Variants in PRR12 observed in about 807,000 individuals in gnomAD.
PRR12 encodes proline rich 12, also known as proline-rich protein 12.
A neutral mutation model predicts 138.0 loss-of-function variants in PRR12; 12 were observed. The ratio of observed to expected loss-of-function variants is 0.09; its 90% CI spans 0.06 to 0.14. PRR12 has a LOEUF of 0.14. Ranked by LOEUF, PRR12 falls within the 10% of genes least tolerant of loss-of-function variation. The pLI, the probability that PRR12 is intolerant of heterozygous loss-of-function variation, is 1.00. For synonymous variants in PRR12, 1,567 were observed against 1,291.7 expected, an observed-to-expected ratio of 1.21 and a Z score of -4.57; for missense variants, 2,692 against 2,861.3, an observed-to-expected ratio of 0.94 and a Z score of 1.35.
At position 49,601,832 on chromosome 19, in the gene PRR12, G is replaced by A. The variant is rs1443115046; in HGVS notation, c.4687G>A (p.Glu1563Lys). 6.2e-7 allele frequency: 1 copy of A among 1,612,872 alleles called. No homozygotes were observed. The highest frequency in any genetic ancestry group is 1.7e-5 in the Admixed American group (1 of 60,026). Reference sequence around the variant, plus strand: ...GGCGGCAGTGTGTGGGGAGACGGACGAGGAGGCCGGCGAGAGTGGCGGAGA... The same window carrying A: ...GGCGGCAGTGTGTGGGGAGACGGACAAGGAGGCCGGCGAGAGTGGCGGAGA... The part of the protein sequence containing the change: ...ETAAVCGETD[E>K]EAGESGGEGI... Residue 1563 changes from glutamate (E) to lysine (K), a missense_variant, in exon 6 of 14, where the codon GAG (glutamate) becomes AAG (lysine). By Grantham distance (56) the Glu-to-Lys change is moderately conservative. Transcript: ENST00000418929.
At chr19:49,623,924 G>C in intron 11 of PRR12, among the ~76,000 whole-genome samples, 1 of 151,378 alleles carries the variant, frequency 6.6e-6, no homozygotes, top group Non-Finnish European at 1.5e-5. Flanking sequence ...TGGGAATTCT[G>C]GGGTAGGTGG....
At position 49,595,175 on chromosome 19, in the gene PRR12, G is replaced by A. The variant is rs778633935; in HGVS notation, c.840G>A (p.Arg280=). 1.2e-5 allele frequency: 20 copies of A among 1,609,204 alleles called. No individual in the cohort carries two copies. Among genetic ancestry groups the A allele is most frequent in the Admixed American group, 8.4e-5 (5 of 59,754 alleles). ...GAAPGPPPPE[R]ALPRQDTVIK... The stretch of plus-strand genomic sequence containing the variant: ...CCCCGGGCCCACCGCCGCCTGAGCG[G>A]GCCCTGCCACGCCAGGACACGGTCA... The change falls in exon 4 of 14, where the codon CGG becomes CGA. Residue 280 remains arginine, a synonymous_variant. Transcript: ENST00000418929.
At position 49,615,973 on chromosome 19, in the gene PRR12, G is replaced by A; in HGVS notation, c.5251G>A (p.Glu1751Lys). Residue 1751 changes from glutamate to lysine, a missense_variant, in exon 9 of 14, where the codon GAG becomes AAG. Around this residue, in one of 11 missense-constraint regions of PRR12, gnomAD observed 259 missense variants for 265.1 expected, o/e 0.98. Coordinates refer to ENST00000418929, the MANE Select transcript of PRR12 (RefSeq NM_020719.3). ...GGAGAAGGAGAAGGTGACACGTGGA[G>A]AGCGGCCATTGCGGGGTGAGCGGGC... ...EKEKEKVTRG[E>K]RPLRGERATS... 6.4e-7 allele frequency: 1 copy of A among 1,552,936 alleles called. No individual in the cohort carries two copies. The highest frequency in any genetic ancestry group is 8.7e-7 in the Non-Finnish European group (1 of 1,147,696).
chr19:49,613,546 G>C (rs1044327703), intron 6 of PRR12, among the ~76,000 whole-genome samples: 11 of 152,314 alleles, frequency 7.2e-5, no homozygotes, highest in Middle Eastern at 6.8e-3. Flanking sequence ...CTGCAGGGTG[G>C]TGGTGGTTGG....
In PRR12 at chr19:49,595,769, C is replaced by A; in HGVS notation, c.1434C>A (p.Gly478=). 7 of 1,596,284 alleles carry A rather than the reference C, an allele frequency of 4.4e-6. No individual in the cohort carries two copies. The highest frequency in any genetic ancestry group is 6.0e-6 in the Non-Finnish European group (7 of 1,172,758). The change falls in exon 4 of 14, where the codon GGC becomes GGA. Residue 478 remains glycine, a synonymous_variant. Transcript: ENST00000418929. ...GCAAAGCCCCCAGCTACTCAGGGGG[C>A]CCCCCACAGCCCCCCAGCGGCCCCC... The part of the protein sequence containing the change: ...DLSKAPSYSG[G]PPQPPSGPPP...
chr19:49,606,890 A>G (rs1413333915), intron 6 of PRR12, among the ~76,000 whole-genome samples: 2 of 152,132 alleles, frequency 1.3e-5, no homozygotes, highest in Non-Finnish European at 2.9e-5. Flanking sequence ...GCCCCTACAA[A>G]AACAAGCCAT....
chr19:49,619,666 C>T (rs1343401820), intron 9 of PRR12, among the ~76,000 whole-genome samples: 3 of 150,104 alleles, frequency 2.0e-5, no homozygotes, highest in South Asian at 2.1e-4. Flanking sequence ...CTCAGCCTCC[C>T]GAGTGGCTGG....
intron 6 of PRR12, among the ~76,000 whole-genome samples, chr19:49,612,035 A>G (rs1288638729): frequency 3.3e-5 from 5 of 151,738 alleles, no homozygotes; most frequent in Non-Finnish European, 7.4e-5. Flanking sequence ...GATCGAGACC[A>G]TCCTGGCCAA....
chr19:49,594,857 A>T lies in PRR12; in HGVS notation c.522A>T (p.Pro174=). ...CGTCCCTCAGCCTCCAGGACCCCCCATTCAGCCCTCCAGCTAACGGGCTCC... is the reference window on the plus strand; with the variant it reads ...CGTCCCTCAGCCTCCAGGACCCCCCTTTCAGCCCTCCAGCTAACGGGCTCC... ...VPSSLSLQDP[P]FSPPANGLLS... Residue 174 remains proline, a synonymous_variant, in exon 4 of 14, where the codon CCA becomes CCT. Coordinates refer to ENST00000418929, the MANE Select transcript of PRR12 (RefSeq NM_020719.3). The surrounding 1 kb of genome is among the most constrained non-coding windows in gnomAD (Gnocchi z 5.6). 6.2e-7 allele frequency: 1 copy of T among 1,610,992 alleles called. No homozygotes were observed. The highest frequency in any genetic ancestry group is 8.5e-7 in the Non-Finnish European group (1 of 1,178,960).
rs1026858573 is a variant in PRR12 at position 49,594,232 on chromosome 19, T to C, written c.200-222T>C. Among the ~76,000 whole-genome samples, 2 of 152,232 alleles carry C rather than the reference T, an allele frequency of 1.3e-5. No individual in the cohort carries two copies. The highest frequency in any genetic ancestry group is 2.4e-5 in the African/African-American group (1 of 41,466). On this transcript the variant is annotated intron_variant, in intron 2 of 13. Transcript: ENST00000418929. The surrounding 1 kb of genome is among the most constrained non-coding windows in gnomAD (Gnocchi z 5.6). ...TACCTGGGCCCCCTGTCCTTATGAC[T>C]GGATTGCCCCTTGTCTTGCTTTACT...
rs138214278 is a variant in PRR12, at chr19:49,600,247, G to T, written c.4345+309G>T. The stretch of plus-strand genomic sequence containing the variant: ...CTACTCAGGTTCTGAATGGTGGGAG[G>T]TGTGGGAACTGAGGAGGGCTCTGAG... On this transcript the variant is annotated intron_variant, in intron 5 of 13. Coordinates refer to ENST00000418929, the MANE Select transcript of PRR12 (RefSeq NM_020719.3). Among the ~76,000 whole-genome samples the T allele has an allele frequency of 2.0e-4, 31 of 152,132 alleles. No homozygotes were observed. The East Asian group carries it at 5.0e-3, about 25-fold the overall frequency.
chr19:49,620,007 C>G (rs536644347), intron 9 of PRR12, among the ~76,000 whole-genome samples: 5 of 151,944 alleles, frequency 3.3e-5, no homozygotes, highest in Non-Finnish European at 5.9e-5. Flanking sequence ...CGTGTGCCAC[C>G]ACGCCTGGAT....
At chr19:49,610,321 T>C (rs973714638) in intron 6 of PRR12, among the ~76,000 whole-genome samples, 4 of 152,114 alleles carry the variant, frequency 2.6e-5, no homozygotes, top group Non-Finnish European at 5.9e-5. Context: ...TGAGTGTCTG[T>C]AGCTCAGTGG....
intron 6 of PRR12, among the ~76,000 whole-genome samples, chr19:49,606,191 C>A (rs1472426767): frequency 2.6e-5 from 4 of 151,856 alleles, no homozygotes; most frequent in Admixed American, 6.6e-5. Context: ...TAAGTAGAGA[C>A]TGGGGTCTCA....
intron 4 of PRR12, among the ~76,000 whole-genome samples, chr19:49,598,242 T>G (rs141174739): frequency 0.028 from 4,083 of 145,648 alleles, 191 homozygotes; most frequent in African/African-American, 0.11. Context: ...CCCGGCTAGT[T>G]TTTTTGTATT....
intron 6 of PRR12, among the ~76,000 whole-genome samples, chr19:49,609,287 C>A (rs1219225887): frequency 1.3e-5 from 2 of 152,012 alleles, no homozygotes; most frequent in African/African-American, 4.8e-5. Flanking sequence ...CCTGGGCAAC[C>A]GGAGTGAGAC....
rs1408874218 is a variant in PRR12 at position 49,596,206 on chromosome 19, T to A, written c.1871T>A (p.Leu624Gln). The change falls in exon 4 of 14, where the codon CTG becomes CAG. Residue 624 changes from leucine (L) to glutamine (Q), a missense_variant. Around this residue, in one of 11 missense-constraint regions of PRR12, gnomAD observed 840 missense variants for 689.8 expected, o/e 1.22. Transcript: ENST00000418929. The surrounding 1 kb of genome is among the most constrained non-coding windows in gnomAD (Gnocchi z 5.6). ...GYKGKGDGSELLAGPGGPPAE... is the reference protein window; with the variant it reads ...GYKGKGDGSEQLAGPGGPPAE... Reference sequence around the variant, plus strand: ...AAGGGCAAGGGGGATGGCTCGGAGCTGCTGGCGGGCCCAGGTGGGCCTCCT... The same window carrying A: ...AAGGGCAAGGGGGATGGCTCGGAGCAGCTGGCGGGCCCAGGTGGGCCTCCT... The A allele has an allele frequency of 3.1e-6, 5 of 1,610,976 alleles. No homozygotes were observed. The Admixed American group carries it at 8.3e-5, about 27-fold the overall frequency.
rs376488952 is a variant in PRR12, at chr19:49,596,259, C to A, written c.1924C>A (p.Leu642Ile). Residue 642 changes from leucine to isoleucine, a missense_variant, in exon 4 of 14, where the codon CTT (leucine) becomes ATT (isoleucine). Physicochemically the swap from Leu to Ile is conservative, Grantham distance 5. Transcript: ENST00000418929. The surrounding 1 kb of genome is among the most constrained non-coding windows in gnomAD (Gnocchi z 5.6). Reference protein sequence around the residue: ...PAERTEDEEFLIQHLLQAPSP... With the variant: ...PAERTEDEEFIIQHLLQAPSP... ...GGAGCGCACAGAGGATGAGGAGTTC[C>A]TTATCCAGCACCTCTTGCAGGCGCC... The A allele has an allele frequency of 5.0e-6, 8 of 1,611,412 alleles. No individual in the cohort carries two copies. Among genetic ancestry groups the A allele is most frequent in the Non-Finnish European group, 6.8e-6 (8 of 1,179,614 alleles).
At position 49,596,331 on chromosome 19, in the gene PRR12, G is replaced by A. The variant is rs542085119; in HGVS notation, c.1996G>A (p.Gly666Arg). The A allele has an allele frequency of 4.8e-5, 77 of 1,610,200 alleles. 1 individual carries two copies. The South Asian group carries it at 6.5e-4, about 14-fold the overall frequency. Reference sequence around the variant, plus strand: ...GGCGGACGGCTTGGTGGGCGAGGACGGGGCAGCAGATGCCTCTAAGGGACT... The same window carrying A: ...GGCGGACGGCTTGGTGGGCGAGGACAGGGCAGCAGATGCCTCTAAGGGACT... ...SGADGLVGEDGAADASKGLGG... is the reference protein window; with the variant it reads ...SGADGLVGEDRAADASKGLGG... Residue 666 changes from glycine to arginine, a missense_variant, in exon 4 of 14, where the codon GGG becomes AGG. Physicochemically the swap from Gly to Arg is moderately radical, Grantham distance 125. Coordinates refer to ENST00000418929, the MANE Select transcript of PRR12 (RefSeq NM_020719.3). The surrounding 1 kb of genome is among the most constrained non-coding windows in gnomAD (Gnocchi z 5.6).
Sources: gnomAD v4.1 joint callset for allele counts (sites outside exome capture counted in the v4.1 genomes callset) on GRCh38, gnomAD v4.1.1 for gene constraint, gnomAD v4.1.1 regional missense constraint, Gnocchi (gnomAD v3.1) non-coding constraint, MANE v1.5 for transcripts, NCBI Gene and HGNC (gene_info 2026-07-23, HGNC 2026-07-21) for gene names.